The following STX7 variants were observed in gnomAD, a reference collection of about 807,000 sequenced individuals.
STX7 encodes syntaxin-7.
STX7 carries 34 observed loss-of-function variants against 39.6 expected under a neutral mutation model. That is an observed-to-expected ratio of 0.86 (90% CI 0.65 to 1.14). The LOEUF (loss-of-function observed/expected upper bound fraction) is 1.14. Among genes scored for constraint, STX7 ranks in the 50% most tolerant of loss-of-function variants. STX7 has a pLI of 0.00. For synonymous variants in STX7, 119 were observed against 99.1 expected (o/e 1.20, Z -1.19); for missense variants, 284 against 310.4 (o/e 0.92, Z 0.64).
chr6:132,453,153 C>T lies in STX7; in HGVS notation c.*7605G>A, dbSNP rs1774168702. The T allele has an allele frequency of 6.6e-6, 1 of 151,988 alleles. No homozygotes were observed. Among genetic ancestry groups the T allele is most frequent in the Non-Finnish European group, 1.5e-5 (1 of 67,948 alleles). The allele number at this position is 151,988 out of a possible 1,614,324, so 9.4% of individuals were successfully genotyped here. A position where few individuals can be genotyped will look rare whatever the true frequency, so the allele number is the denominator to read the frequency against. On this transcript the variant is annotated 3_prime_UTR_variant, in exon 10 of 10. Coordinates refer to ENST00000367941, the MANE Select transcript of STX7 (RefSeq NM_003569.3). ...AACAATTCAATGGACAAAAAAGAGC[C>T]TTTTCGACAAATATCATGTTGGAGT... is the stretch of plus-strand genomic sequence containing the variant.
chr6:132,504,819 A>T (rs867984885), intron 1 of STX7, among the ~76,000 whole-genome samples: 8 of 152,376 alleles, frequency 5.3e-5, no homozygotes, highest in South Asian at 2.1e-4. Flanking sequence ...CTTGTCTGGA[A>T]AGAATTTATG....
rs771677114 is a variant in STX7 at position 132,451,211 on chromosome 6, C to T, written c.*9547G>A. ...CTACGGGTTCAAGTGATTCTCCTGC[C>T]TCAGCTTCCCAAATGGCTGGGATTA... On this transcript the variant is annotated 3_prime_UTR_variant, in exon 10 of 10. Coordinates refer to ENST00000367941, the MANE Select transcript of STX7 (RefSeq NM_003569.3). 1.3e-5 allele frequency: 2 copies of T among 151,956 alleles called. No homozygotes were observed. Among genetic ancestry groups the T allele is most frequent in the Non-Finnish European group, 2.9e-5 (2 of 68,042 alleles). The allele number at this position is 151,956 out of a possible 1,614,324, so 9.4% of individuals were successfully genotyped here. A position where few individuals can be genotyped will look rare whatever the true frequency, so the allele number is the denominator to read the frequency against.
chr6:132,513,410 T>A (rs1409384977), upstream of STX7, among the ~76,000 whole-genome samples: 3 of 152,346 alleles, frequency 2.0e-5, no homozygotes, highest in Middle Eastern at 6.8e-3. Flanking sequence ...CTGTCTTGTT[T>A]GCTAACCTTT....
intron 2 of STX7, among the ~76,000 whole-genome samples, chr6:132,492,840 AAG>A (rs1161166743): frequency 4.1e-5 from 6 of 147,250 alleles, no homozygotes; most frequent in Non-Finnish European, 8.8e-5. Context: ...ATCTTCCAGA[AAG>A]AGATTATTGA....
intron 8 of STX7, among the ~76,000 whole-genome samples, chr6:132,464,432 A>G (rs1774506415): frequency 6.6e-6 from 1 of 152,200 alleles, no homozygotes; most frequent in Non-Finnish European, 1.5e-5. Context: ...AGCTTGGTCT[A>G]TGTCAAGACC....
At chr6:132,490,850 C>T (rs368871604) in intron 2 of STX7, among the ~76,000 whole-genome samples, 1 of 152,148 alleles carries the variant, frequency 6.6e-6, no homozygotes, top group South Asian at 2.1e-4. Flanking sequence ...AAAGAGGTGT[C>T]TGTGCATCTT....
chr6:132,471,325 T>C, intron 5 of STX7, 138 bp downstream of exon 5: 1 of 1,026,924 alleles, frequency 9.7e-7, no homozygotes, highest in South Asian at 2.2e-5. Flanking sequence ...CAGGAAAGCA[T>C]AAAAATAAAT....
Position 132,503,479 on chromosome 6 carries a change from TC to T in STX7, c.51del (p.Ile18SerfsTer19). The T allele has an allele frequency of 6.2e-7, 1 of 1,614,124 alleles. No homozygotes were observed. The highest frequency in any genetic ancestry group is 8.5e-7 in the Non-Finnish European group (1 of 1,179,972). On this transcript the variant is annotated frameshift_variant, in exon 2 of 10. Coordinates refer to ENST00000367941, the MANE Select transcript of STX7 (RefSeq NM_003569.3). LOFTEE classifies it high-confidence loss of function. ...VGGDPAQLAQRISSNIQKITQ... is the reference protein window; with the variant it reads ...VGGDPAQLAQXISSNIQKITQ... ...GTGATCTTCTGGATGTTAGAAGAGA[TC>T]CTCTGGGCCAACTGGGCGGGGTCAC...
Position 132,504,601 on chromosome 6 carries a change from C to G in STX7, c.-58-1013G>C, listed in dbSNP as rs1371662293. Among the ~76,000 whole-genome samples the G allele has an allele frequency of 2.6e-5, 4 of 152,272 alleles. No homozygotes were observed. The East Asian group carries it at 7.7e-4, about 29-fold the overall frequency. On this transcript the variant is annotated intron_variant, in intron 1 of 9. Transcript: ENST00000367941. ...TGTAAGCTAGCTCTCTACTAAGAGCCTGGTACATGCCCAGCATTAAACTAA... is the reference window on the plus strand; with the variant it reads ...TGTAAGCTAGCTCTCTACTAAGAGCGTGGTACATGCCCAGCATTAAACTAA...
At chr6:132,507,456 T>G (rs1390818600) in intron 1 of STX7, among the ~76,000 whole-genome samples, 1 of 152,242 alleles carries the variant, frequency 6.6e-6, no homozygotes, top group Non-Finnish European at 1.5e-5. Flanking sequence ...TCATTAGCAA[T>G]CGCTCTCCAT....
intron 6 of STX7, 60 bp downstream of exon 6, chr6:132,470,514 C>CT: frequency 8.0e-7 from 1 of 1,249,722 alleles, no homozygotes; most frequent in Non-Finnish European, 1.2e-6. Flanking sequence ...TTCCAGGGAC[C>CT]TTAATGTATA....
rs67939950 is a variant in STX7 at position 132,474,227 on chromosome 6, C to CAAAAA, written c.155+1361_155+1365dup. Reference sequence around the variant, plus strand: ...TGGGTGACAGCATGAGATCCTGTCTCAAAAAAAAAAAAAAAAAAAAAAAAT... The same window carrying CAAAAA: ...TGGGTGACAGCATGAGATCCTGTCTCAAAAAAAAAAAAAAAAAAAAAAAAAAAAAT... On this transcript the variant is annotated intron_variant, in intron 3 of 9. Transcript: ENST00000367941. Among the ~76,000 whole-genome samples, 486 of 69,818 alleles carry CAAAAA rather than the reference C, an allele frequency of 7.0e-3. 23 individuals carry two copies. Among genetic ancestry groups the CAAAAA allele is most frequent in the Middle Eastern group, 0.02 (2 of 102 alleles). The allele number at this position is 69,818 out of a possible 152,430, so 45.8% of individuals were successfully genotyped here.
At chr6:132,492,012 T>A (rs1342958768) in intron 2 of STX7, among the ~76,000 whole-genome samples, 2 of 152,192 alleles carry the variant, frequency 1.3e-5, no homozygotes, top group Non-Finnish European at 2.9e-5. Context: ...AACATTGCAC[T>A]GCCTCTGCAC....
chr6:132,460,405 G>A lies in STX7; in HGVS notation c.*353C>T, dbSNP rs1351702068. The A allele has an allele frequency of 6.1e-6, 1 of 164,098 alleles. No individual in the cohort carries two copies. Among genetic ancestry groups the A allele is most frequent in the African/African-American group, 2.4e-5 (1 of 41,710 alleles). The allele number at this position is 164,098 out of a possible 1,614,324, so 10.2% of individuals were successfully genotyped here. On this transcript the variant is annotated 3_prime_UTR_variant, in exon 10 of 10. Transcript: ENST00000367941. ...CACATCTAGGTGTGTCACAGTGACA[G>A]GGAGATGCAAACAGAATACACACAC... is the stretch of plus-strand genomic sequence containing the variant.
rs1405564122 is a variant in STX7 at position 132,451,746 on chromosome 6, A to T, written c.*9012T>A. The T allele has an allele frequency of 6.6e-6, 1 of 152,168 alleles. No homozygotes were observed. Among genetic ancestry groups the T allele is most frequent in the Non-Finnish European group, 1.5e-5 (1 of 68,018 alleles). 9.4% of individuals were successfully genotyped at this position (152,168 alleles called of 1,614,324 possible). A position where few individuals can be genotyped will look rare whatever the true frequency, so the allele number is the denominator to read the frequency against. ...ACTCAATATGAAATAGATAAATTAA[A>T]CAGCCATATAACTATTGTAAAAGTG... On this transcript the variant is annotated 3_prime_UTR_variant, in exon 10 of 10. Coordinates refer to ENST00000367941, the MANE Select transcript of STX7 (RefSeq NM_003569.3).
chr6:132,477,758 T>C (rs1406942353), intron 2 of STX7, among the ~76,000 whole-genome samples: 1 of 152,132 alleles, frequency 6.6e-6, no homozygotes, highest in Non-Finnish European at 1.5e-5. Flanking sequence ...CAAGTATATA[T>C]GTAAGTGTGT....
chr6:132,503,440 A>G lies in STX7; in HGVS notation c.85+6T>C, dbSNP rs368286303. On this transcript the variant is annotated splice_donor_region_variant and intron_variant, in intron 2 of 9. Coordinates refer to ENST00000367941, the MANE Select transcript of STX7 (RefSeq NM_003569.3). ...AATAGTGAAGTCCATTTAAAACTCA[A>G]CTCACAACACTGTGTGATCTTCTGG... 9.3e-6 allele frequency: 15 copies of G among 1,613,188 alleles called. 1 individual carries two copies. In the African/African-American group the frequency reaches 1.7e-4, roughly 19 times the overall value.
chr6:132,467,596 A>T (rs1215421225), intron 8 of STX7, among the ~76,000 whole-genome samples: 5 of 152,204 alleles, frequency 3.3e-5, no homozygotes, highest in Admixed American at 2.0e-4. Context: ...TGGACATAGT[A>T]GCCACTCAAC....
chr6:132,473,858 ATC>A, intron 3 of STX7, among the ~76,000 whole-genome samples: 1 of 152,244 alleles, frequency 6.6e-6, no homozygotes, highest in Non-Finnish European at 1.5e-5. Context: ...ATCTATTTCT[ATC>A]TCTATTTACC....
Sources: gnomAD v4.1 joint callset for allele counts (sites outside exome capture counted in the v4.1 genomes callset) on GRCh38, gnomAD v4.1.1 for gene constraint, MANE v1.5 for transcripts, NCBI Gene and HGNC (gene_info 2026-07-23, HGNC 2026-07-21) for gene names.